ACP3: variants seen among roughly 807,000 people sequenced by gnomAD.
ACP3 encodes prostatic acid phosphatase.
A neutral mutation model predicts 45.6 loss-of-function variants in ACP3; 38 were observed. That is an observed-to-expected ratio of 0.83 (90% CI 0.64 to 1.09). The LOEUF is 1.09. Ranked by LOEUF, ACP3 falls within the 50% of genes least tolerant of loss-of-function variation. The probability of loss-of-function intolerance (pLI) is 0.00; values close to 1 mark genes in which losing one functional copy is unlikely to be tolerated. For synonymous variants in ACP3, 162 were observed against 164.7 expected (o/e 0.98, Z 0.13); for missense variants, 466 against 463.2 (o/e 1.01, Z -0.05).
At chr3:132,341,915 T>G (rs76247747) in intron 5 of ACP3, among the ~76,000 whole-genome samples, 1 of 152,264 alleles carries the variant, frequency 6.6e-6, no homozygotes, top group Non-Finnish European at 1.5e-5. Context: ...AGCAGTCAGA[T>G]AGCTGAACAT....
At chr3:132,325,530 T>C (rs905209564) in intron 1 of ACP3, among the ~76,000 whole-genome samples, 2 of 151,770 alleles carry the variant, frequency 1.3e-5, no homozygotes, top group African/African-American at 2.4e-5. Context: ...CTTTCAATAA[T>C]ATACATAGTT....
rs569586075 is a variant in ACP3, at chr3:132,328,444, C to T, written c.216+82C>T. 50 of 1,167,336 alleles carry T rather than the reference C, an allele frequency of 4.3e-5. No individual in the cohort carries two copies. In the Middle Eastern group the frequency reaches 6.3e-4, roughly 15 times the overall value. 72.3% of individuals were successfully genotyped at this position (1,167,336 alleles called of 1,614,324 possible). ...CTGTAATCCCAGCACTTTGGGAGGC[C>T]GAGGCAGGCGGATCAACTGAGGTCA... is the stretch of plus-strand genomic sequence containing the variant. On this transcript the variant is annotated intron_variant, in intron 2 of 9. Coordinates refer to ENST00000336375, the MANE Select transcript of ACP3 (RefSeq NM_001099.5).
exon 11 of ACP3, chr3:132,367,810 T>C (rs754398764): frequency 3.1e-6 from 5 of 1,611,260 alleles, no homozygotes; most frequent in South Asian, 1.1e-5. Context: ...GAGAATCCTA[T>C]GGGAACATCT....
chr3:132,362,666 G>C (rs1034989183), downstream of ACP3, among the ~76,000 whole-genome samples: 2 of 152,232 alleles, frequency 1.3e-5, no homozygotes, highest in African/African-American at 2.4e-5. Context: ...TCTTGGAGGA[G>C]TGATGTTCAA....
At chr3:132,328,581 A>C (rs186933887) in intron 2 of ACP3, among the ~76,000 whole-genome samples, 11 of 148,114 alleles carry the variant, frequency 7.4e-5, no homozygotes, top group African/African-American at 7.4e-5. Flanking sequence ...CGGGAGTCTG[A>C]GGTAGGAGAA....
chr3:132,327,426 A>G (rs547837119), intron 1 of ACP3, among the ~76,000 whole-genome samples: 23 of 151,850 alleles, frequency 1.5e-4, no homozygotes, highest in South Asian at 8.3e-4. Flanking sequence ...AGGCATGAGA[A>G]TCACTTGAAC....
At chr3:132,368,028 AGTGGTAGTGCAG>A (rs1938159442) in exon 11 of ACP3, 1 of 513,116 alleles carries the variant, frequency 1.9e-6, no homozygotes, top group Admixed American at 3.4e-5. Flanking sequence ...CTCATAATGG[AGTGGTAGTGCAG>A]GCTGCTTGTT....
At chr3:132,354,421 C>T (rs1937830066) in intron 9 of ACP3, among the ~76,000 whole-genome samples, 1 of 152,174 alleles carries the variant, frequency 6.6e-6, no homozygotes, top group Non-Finnish European at 1.5e-5. Context: ...AACTGAAAGG[C>T]AGTGACATAC....
intron 1 of ACP3, among the ~76,000 whole-genome samples, chr3:132,326,160 G>T (rs1937295428): frequency 6.6e-6 from 1 of 152,080 alleles, no homozygotes; most frequent in South Asian, 2.1e-4. Context: ...CATCCGGTGG[G>T]TAAAGGCTAG....
At chr3:132,338,120 G>GT (rs1937517806) in intron 5 of ACP3, among the ~76,000 whole-genome samples, 1 of 152,010 alleles carries the variant, frequency 6.6e-6, no homozygotes. Context: ...TCTTTTATGT[G>GT]TTTATTTTAT....
downstream of ACP3, among the ~76,000 whole-genome samples, chr3:132,360,845 A>G (rs1360959611): frequency 1.3e-5 from 2 of 152,146 alleles, no homozygotes; most frequent in South Asian, 2.1e-4. Flanking sequence ...GGATCCATAC[A>G]TGTTTCCTCT....
intron 8 of ACP3, 146 bp from the exon 9 acceptor site, chr3:132,352,574 A>C (rs556048037): frequency 1.6e-6 from 1 of 619,496 alleles, no homozygotes; most frequent in Non-Finnish European, 2.9e-6. Context: ...ATGCTCAACC[A>C]AAATCTTTCC....
chr3:132,348,962 G>GTCAA (rs1477491947), intron 7 of ACP3, among the ~76,000 whole-genome samples: 1 of 105,886 alleles, frequency 9.4e-6, no homozygotes, highest in Non-Finnish European at 2.2e-5. Flanking sequence ...TGAGATTATA[G>GTCAA]TCAATCTGTT....
rs1937798186 is a variant in ACP3, at chr3:132,353,136, T to G, written c.968+313T>G. The stretch of plus-strand genomic sequence containing the variant: ...TATATATACTTGGCAAGAGAAAAAT[T>G]TCTTGATGGTTATATAATAATATTT... On this transcript the variant is annotated intron_variant, in intron 9 of 9. Coordinates refer to ENST00000336375, the MANE Select transcript of ACP3 (RefSeq NM_001099.5). 2.0e-5 allele frequency among the ~76,000 whole-genome samples: 3 copies of G among 152,182 alleles called. No homozygotes were observed. The South Asian group carries it at 6.2e-4, about 32-fold the overall frequency.
chr3:132,329,549 AAG>A (rs534778275), intron 2 of ACP3, among the ~76,000 whole-genome samples: 5 of 152,178 alleles, frequency 3.3e-5, no homozygotes, highest in African/African-American at 1.2e-4. Context: ...CTTTGAATGA[AAG>A]AGAGGCTACA....
chr3:132,359,864 A>T (rs1230918191), downstream of ACP3, among the ~76,000 whole-genome samples: 2 of 152,220 alleles, frequency 1.3e-5, no homozygotes, highest in Non-Finnish European at 2.9e-5. Flanking sequence ...TCACCTGGGC[A>T]GCTCCAATGT....
chr3:132,365,089 T>C (rs1938108654), intron 10 of ACP3, among the ~76,000 whole-genome samples: 1 of 152,254 alleles, frequency 6.6e-6, no homozygotes, highest in Admixed American at 6.5e-5. Flanking sequence ...TGGGAACTTA[T>C]AAGTTCTAAG....
intron 8 of ACP3, among the ~76,000 whole-genome samples, chr3:132,350,986 G>C (rs1371088144): frequency 2.0e-5 from 3 of 152,204 alleles, no homozygotes; most frequent in Admixed American, 1.3e-4. Context: ...TACAAGAAAA[G>C]CTGAGTGTGC....
intron 2 of ACP3, among the ~76,000 whole-genome samples, chr3:132,329,598 T>C (rs1396537378): frequency 6.6e-6 from 1 of 152,254 alleles, no homozygotes; most frequent in African/African-American, 2.4e-5. Flanking sequence ...TATGGCTCTG[T>C]ATAGACTCCT....
Sources: allele counts gnomAD v4.1 joint callset (sites outside exome capture counted in the v4.1 genomes callset), GRCh38; gene constraint gnomAD v4.1.1; transcripts MANE v1.5; gene names NCBI Gene and HGNC (gene_info 2026-07-23, HGNC 2026-07-21).